KIF13B: variants seen among roughly 807,000 people sequenced by gnomAD.
The protein encoded by KIF13B is kinesin-like protein KIF13B.
KIF13B carries 127 observed loss-of-function variants against 222.0 expected under a neutral mutation model. The ratio of observed to expected loss-of-function variants is 0.57; its 90% confidence interval spans 0.50 to 0.66. KIF13B has a LOEUF of 0.66. Among genes scored for constraint, KIF13B ranks in the 30% least tolerant of loss-of-function variants. KIF13B has a pLI of 0.00. For synonymous variants in KIF13B, 976 were observed against 919.0 expected (o/e 1.06, Z -1.12); for missense variants, 2,173 against 2,379.0 (o/e 0.91, Z 1.80).
Position 29,070,849 on chromosome 8 carries a change from T to C in KIF13B, c.5219-83A>G, listed in dbSNP as rs1807236680. 4.1e-6 allele frequency: 6 copies of C among 1,453,306 alleles called. No individual in the cohort carries two copies. Among genetic ancestry groups the C allele is most frequent in the East Asian group, 5.0e-5 (2 of 40,304 alleles). 90.0% of individuals were successfully genotyped at this position (1,453,306 alleles called of 1,614,324 possible). A position where few individuals can be genotyped will look rare whatever the true frequency, so the allele number is the denominator to read the frequency against. On this transcript the variant is annotated intron_variant, in intron 39 of 39. Transcript: ENST00000524189. This position sits in a 1 kb window ranked among gnomAD's most constrained non-coding sequence, Gnocchi z 4.1. ...ACCTCCCTTACCTCTGCAGAGGCCA[T>C]GTGCCCACACTGCCACCCCCCCGCA...
chr8:29,226,549 C>A (rs986238407), intron 2 of KIF13B, among the ~76,000 whole-genome samples: 1 of 152,142 alleles, frequency 6.6e-6, no homozygotes, highest in African/African-American at 2.4e-5. Flanking sequence ...CCCATCCAAC[C>A]CTTGGAGCAA....
chr8:29,214,382 A>T (rs894141169), intron 2 of KIF13B, among the ~76,000 whole-genome samples: 3 of 152,172 alleles, frequency 2.0e-5, no homozygotes, highest in Non-Finnish European at 2.9e-5. Flanking sequence ...GAACTTTTTT[A>T]AAAAATTAGA....
At chr8:29,083,303 T>C (rs1807897877) in intron 37 of KIF13B, among the ~76,000 whole-genome samples, 1 of 152,238 alleles carries the variant, frequency 6.6e-6, no homozygotes, top group Non-Finnish European at 1.5e-5. Flanking sequence ...CAGACTCATT[T>C]GTTTAATACT....
At chr8:29,113,438 T>G (rs1012723409) in intron 32 of KIF13B, 25 bp downstream of exon 32, 8 of 1,413,358 alleles carry the variant, frequency 5.7e-6, no homozygotes, top group Middle Eastern at 1.8e-4. Flanking sequence ...TTATTTTTAG[T>G]AAATTTAAAT....
At position 29,134,084 on chromosome 8, in the gene KIF13B, C is replaced by T. The variant is rs368397416; in HGVS notation, c.2740G>A (p.Val914Ile). The T allele has an allele frequency of 8.7e-6, 14 of 1,613,880 alleles. No individual in the cohort carries two copies. The highest frequency in any genetic ancestry group is 6.7e-5 in the East Asian group (3 of 44,902). ...ACCATGCAGTGCGGCTCCTTGCTGA[C>T]GGAAGAGGAGGAGGTGTCCACTTCA... is the stretch of plus-strand genomic sequence containing the variant. ...APEVDTSSSS[V>I]SKEPHCMVVF... is the part of the protein sequence containing the mutation. The change falls in exon 22 of 40, where the codon GTC becomes ATC. Residue 914 changes from valine to isoleucine, a missense_variant. Transcript: ENST00000524189.
chr8:29,076,768 G>A (rs775629195), intron 37 of KIF13B, among the ~76,000 whole-genome samples: 6 of 152,330 alleles, frequency 3.9e-5, no homozygotes, highest in South Asian at 2.1e-4. Flanking sequence ...GAGAAAAGGT[G>A]CAGTGGAGAG....
At chr8:29,240,654 G>A (rs1049061438) in intron 2 of KIF13B, among the ~76,000 whole-genome samples, 19 of 152,194 alleles carry the variant, frequency 1.2e-4, no homozygotes, top group African/African-American at 4.6e-4. Context: ...TAGTTTACCA[G>A]AACGCGGGGT....
At chr8:29,249,226 G>T (rs1432375372) in intron 1 of KIF13B, among the ~76,000 whole-genome samples, 3 of 152,150 alleles carry the variant, frequency 2.0e-5, no homozygotes, top group South Asian at 4.1e-4. Flanking sequence ...TCAGGAGTCT[G>T]AGACCAGCCT....
chr8:29,071,731 C>T lies in KIF13B; in HGVS notation c.5107G>A (p.Glu1703Lys). ...EADEVPEWLR[E>K]GEFVTVGAHK... ...GCGCCCACGGTGACGAACTCGCCCTCTCGGAGCCACTCCGGGACCTCGTCA... is the reference window on the plus strand; with the variant it reads ...GCGCCCACGGTGACGAACTCGCCCTTTCGGAGCCACTCCGGGACCTCGTCA... Residue 1703 changes from glutamate to lysine, a missense_variant, in exon 39 of 40, where the codon GAG (glutamate) becomes AAG (lysine). This residue lies in a region of KIF13B where 693 missense variants were observed against 656.2 expected (regional missense o/e 1.06). Transcript: ENST00000524189. The surrounding 1 kb of genome is among the most constrained non-coding windows in gnomAD (Gnocchi z 4.9). 1 of 1,550,036 alleles carries T rather than the reference C, an allele frequency of 6.5e-7. No individual in the cohort carries two copies. The highest frequency in any genetic ancestry group is 8.7e-7 in the Non-Finnish European group (1 of 1,146,684).
At chr8:29,256,169 G>C (rs116743691) in intron 1 of KIF13B, among the ~76,000 whole-genome samples, 1 of 152,124 alleles carries the variant, frequency 6.6e-6, no homozygotes, top group African/African-American at 2.4e-5. Context: ...AAGCACTGAC[G>C]ACACACTGTT....
chr8:29,124,805 C>A (rs1233371019), intron 26 of KIF13B, among the ~76,000 whole-genome samples: 1 of 151,878 alleles, frequency 6.6e-6, no homozygotes, highest in African/African-American at 2.4e-5. Context: ...ATCGCTTGAA[C>A]CCGGGAGGCA....
intron 37 of KIF13B, among the ~76,000 whole-genome samples, chr8:29,080,174 T>G (rs1276357103): frequency 7.9e-5 from 12 of 151,862 alleles, no homozygotes; most frequent in Admixed American, 6.6e-4. Context: ...AAACTCCATC[T>G]CTACAAAGAT....
chr8:29,179,832 G>A (rs1812637288), intron 8 of KIF13B, among the ~76,000 whole-genome samples: 1 of 152,168 alleles, frequency 6.6e-6, no homozygotes, highest in Non-Finnish European at 1.5e-5. Flanking sequence ...CACCACCCCG[G>A]GAGCCAGATG....
chr8:29,206,801 T>C (rs753633496), intron 2 of KIF13B, among the ~76,000 whole-genome samples: 1 of 152,132 alleles, frequency 6.6e-6, no homozygotes, highest in East Asian at 1.9e-4. Flanking sequence ...TGTCATATAA[T>C]AGGTGCTAAG....
chr8:29,135,215 T>C (rs1295000399), intron 21 of KIF13B, among the ~76,000 whole-genome samples: 2 of 152,120 alleles, frequency 1.3e-5, no homozygotes, highest in East Asian at 3.9e-4. Context: ...AGCTAATTTT[T>C]TTTATTTTTA....
chr8:29,250,510 C>T (rs903839547), intron 1 of KIF13B, among the ~76,000 whole-genome samples: 1 of 152,222 alleles, frequency 6.6e-6, no homozygotes, highest in African/African-American at 2.4e-5. Flanking sequence ...ATAACTAATA[C>T]ACCTAACCTA....
At chr8:29,116,142 C>T (rs963318535) in intron 31 of KIF13B, among the ~76,000 whole-genome samples, 46 of 152,204 alleles carry the variant, frequency 3.0e-4, no homozygotes, top group Non-Finnish European at 6.0e-4. Flanking sequence ...AGTAATCCTG[C>T]TGCCTCAGCC....
chr8:29,119,780 T>A (rs2129706421), intron 29 of KIF13B, among the ~76,000 whole-genome samples: 1 of 152,200 alleles, frequency 6.6e-6, no homozygotes, highest in South Asian at 2.1e-4. Flanking sequence ...ACAAACACCT[T>A]CCACCCCATC....
intron 37 of KIF13B, among the ~76,000 whole-genome samples, chr8:29,076,783 C>A (rs895459580): frequency 6.6e-5 from 10 of 152,066 alleles, no homozygotes; most frequent in Non-Finnish European, 1.3e-4. Flanking sequence ...GGAGAGGACT[C>A]GAGAGGAAAC....
Sources: allele counts gnomAD v4.1 joint callset (sites outside exome capture counted in the v4.1 genomes callset), GRCh38; gene constraint gnomAD v4.1.1; regional missense constraint gnomAD v4.1.1; non-coding constraint Gnocchi (gnomAD v3.1); transcripts MANE v1.5; gene names NCBI Gene and HGNC (gene_info 2026-07-23, HGNC 2026-07-21).